The following PPP1R9A variants were observed in gnomAD, a reference collection of about 807,000 sequenced individuals.
The protein encoded by PPP1R9A is protein phosphatase 1 regulatory subunit 9A, also known as neurabin-1.
A neutral mutation model predicts 141.9 loss-of-function variants in PPP1R9A; 59 were observed. The observed-to-expected ratio is 0.42, with a 90% CI of 0.34 to 0.52. The LOEUF (loss-of-function observed/expected upper bound fraction) is 0.52. Ranked by LOEUF, PPP1R9A falls within the 20% of genes least tolerant of loss-of-function variation. PPP1R9A has a pLI of 0.10. For missense variants in PPP1R9A, 1,444 were observed against 1,611.9 expected (o/e 0.90, Z 1.78); for synonymous variants, 500 against 569.7 (o/e 0.88, Z 1.74).
At chr7:95,192,583 A>G (rs140667128) in intron 5 of PPP1R9A, among the ~76,000 whole-genome samples, 25 of 152,162 alleles carry the variant, frequency 1.6e-4, no homozygotes, top group Non-Finnish European at 2.9e-4. Context: ...CCAGATACTT[A>G]GTTTTTTTAA....
rs1326058402 is a variant in PPP1R9A at position 95,205,395 on chromosome 7, A to G, written c.1956+1665A>G. On this transcript the variant is annotated intron_variant, in intron 7 of 19. Coordinates refer to ENST00000433360, the MANE Select transcript of PPP1R9A (RefSeq NM_001166160.2). ...CTTTGTACTCCCTAGAAACAATGCT[A>G]GAACAATTCAATATTACAATGATGA... Among the ~76,000 whole-genome samples, 8 of 152,362 alleles carry G rather than the reference A, an allele frequency of 5.3e-5. No individual in the cohort carries two copies. The East Asian group carries it at 1.5e-3, about 29-fold the overall frequency.
intron 6 of PPP1R9A, among the ~76,000 whole-genome samples, chr7:95,203,274 G>A (rs1789976720): frequency 6.6e-6 from 1 of 151,680 alleles, no homozygotes; most frequent in Non-Finnish European, 1.5e-5. Context: ...AAAATATAAT[G>A]GAAGCTTTGG....
At chr7:95,263,428 CTGTTGTTGT>C (rs796429608) in intron 12 of PPP1R9A, among the ~76,000 whole-genome samples, 1 of 43,772 alleles carries the variant, frequency 2.3e-5, no homozygotes, top group African/African-American at 5.9e-5. Flanking sequence ...GTTGTTGTTG[CTGTTGTTGT>C]TGTTGTTGTT....
intron 4 of PPP1R9A, among the ~76,000 whole-genome samples, chr7:95,160,084 G>GAT (rs1334145836): frequency 6.6e-6 from 1 of 151,306 alleles, no homozygotes; most frequent in East Asian, 1.9e-4. Context: ...GAATAAAAAT[G>GAT]ATATATATAA....
At chr7:95,144,342 A>G (rs1017565398) in intron 4 of PPP1R9A, among the ~76,000 whole-genome samples, 9 of 152,156 alleles carry the variant, frequency 5.9e-5, no homozygotes, top group Admixed American at 3.3e-4. Context: ...AGGCTGAATA[A>G]TACTTTATCA....
chr7:95,078,799 T>A (rs1365156611), intron 2 of PPP1R9A, among the ~76,000 whole-genome samples: 1 of 151,622 alleles, frequency 6.6e-6, no homozygotes, highest in African/African-American at 2.4e-5. Flanking sequence ...TGTCTGTTCA[T>A]GTCCTTCGCC....
At chr7:94,907,592 G>C (rs2150550277), upstream of PPP1R9A, 1 of 152,342 alleles carries the variant, frequency 6.6e-6, no homozygotes, top group South Asian at 2.1e-4. Flanking sequence ...CCTCGGGCCG[G>C]TGCTTTTCGC....
chr7:95,197,434 T>C (rs368242553), intron 5 of PPP1R9A, among the ~76,000 whole-genome samples: 4 of 152,322 alleles, frequency 2.6e-5, no homozygotes, highest in East Asian at 1.9e-4. Flanking sequence ...GCTTTTTTTA[T>C]AGGCATTAAT....
chr7:95,091,505 A>G (rs1817341530), intron 2 of PPP1R9A, among the ~76,000 whole-genome samples: 1 of 151,376 alleles, frequency 6.6e-6, no homozygotes, highest in African/African-American at 2.4e-5. Context: ...CACCACGCCC[A>G]GCTAATTTTT....
Position 95,250,040 on chromosome 7 carries a change from A to C in PPP1R9A, c.2181A>C (p.Glu727Asp). ...GCTTTCTCCAGCTGCAGGCAGCAGA[A>C]AATGAGAAAGTGAGGTGGGAACTAG... ...QKLKTKLQAA[E>D]NEKVRWELEK... The change falls in exon 10 of 20, where the codon GAA becomes GAC. Residue 727 changes from glutamate to aspartate, a missense_variant. Physicochemically the swap from Glu to Asp is conservative, Grantham distance 45. Transcript: ENST00000433360. The C allele has an allele frequency of 6.2e-7, 1 of 1,604,560 alleles. No individual in the cohort carries two copies. The highest frequency in any genetic ancestry group is 8.5e-7 in the Non-Finnish European group (1 of 1,176,800).
chr7:95,282,522 CAT>C (rs775458127), intron 16 of PPP1R9A, among the ~76,000 whole-genome samples: 13 of 152,196 alleles, frequency 8.5e-5, no homozygotes, highest in Non-Finnish European at 1.8e-4. Flanking sequence ...CCTAGAGACA[CAT>C]GTTTACATCC....
chr7:95,242,728 G>A (rs574262331), intron 8 of PPP1R9A, among the ~76,000 whole-genome samples: 37 of 152,252 alleles, frequency 2.4e-4, no homozygotes, highest in African/African-American at 7.7e-4. Context: ...AAAGATGACT[G>A]AAGAGATGAA....
intron 2 of PPP1R9A, among the ~76,000 whole-genome samples, chr7:95,090,967 C>T (rs1384898460): frequency 1.3e-5 from 2 of 151,904 alleles, no homozygotes; most frequent in African/African-American, 4.9e-5. Flanking sequence ...CACTGAATAA[C>T]CTTATAGAGC....
intron 2 of PPP1R9A, among the ~76,000 whole-genome samples, chr7:95,002,715 A>G (rs1803110858): frequency 6.6e-6 from 1 of 152,160 alleles, no homozygotes; most frequent in Non-Finnish European, 1.5e-5. Flanking sequence ...TCAGGAAGAA[A>G]TCATGATTTG....
chr7:95,204,252 A>G (rs1790209519), intron 7 of PPP1R9A, among the ~76,000 whole-genome samples: 1 of 152,226 alleles, frequency 6.6e-6, no homozygotes, highest in Non-Finnish European at 1.5e-5. Flanking sequence ...AAATGATACT[A>G]TACTTTAAAT....
At chr7:95,064,458 T>C (rs1812679210) in intron 2 of PPP1R9A, among the ~76,000 whole-genome samples, 1 of 152,194 alleles carries the variant, frequency 6.6e-6, no homozygotes, top group Non-Finnish European at 1.5e-5. Flanking sequence ...GGAGATATTC[T>C]CAACAGCAAA....
In PPP1R9A at chr7:95,263,400, A is replaced by G. The variant is rs184969645; in HGVS notation, c.2666-5150A>G. ...AGTAAGCACTATATCAGTAGGAAGT[A>G]TATCTTTCCAGTTTGTTGTTGTTGT... On this transcript the variant is annotated intron_variant, in intron 12 of 19. Coordinates refer to ENST00000433360, the MANE Select transcript of PPP1R9A (RefSeq NM_001166160.2). Among the ~76,000 whole-genome samples, 8 of 148,338 alleles carry G rather than the reference A, an allele frequency of 5.4e-5. 1 individual carries two copies. In the East Asian group the frequency reaches 8.0e-4, roughly 15 times the overall value.
intron 7 of PPP1R9A, among the ~76,000 whole-genome samples, chr7:95,208,219 A>G (rs950628437): frequency 6.6e-6 from 1 of 152,198 alleles, no homozygotes; most frequent in South Asian, 2.1e-4. Flanking sequence ...CACTGTAGAT[A>G]TACAGAAACC....
At chr7:95,002,958 G>C (rs1199766773) in intron 2 of PPP1R9A, among the ~76,000 whole-genome samples, 2 of 152,146 alleles carry the variant, frequency 1.3e-5, no homozygotes, top group Non-Finnish European at 2.9e-5. Context: ...ATGTGAGTAT[G>C]GGAATCTGAT....
Sources: gnomAD v4.1 joint callset for allele counts (sites outside exome capture counted in the v4.1 genomes callset) on GRCh38, gnomAD v4.1.1 for gene constraint, MANE v1.5 for transcripts, NCBI Gene and HGNC (gene_info 2026-07-23, HGNC 2026-07-21) for gene names.